The following AGTPBP1 variants were observed in gnomAD, a reference collection of about 807,000 sequenced individuals.
The protein encoded by AGTPBP1 is ATP/GTP binding carboxypeptidase 1, also known as cytosolic carboxypeptidase 1.
A neutral mutation model predicts 143.9 loss-of-function variants in AGTPBP1; 70 were observed. The observed-to-expected ratio is 0.49, with a 90% CI of 0.40 to 0.59. The LOEUF is 0.59. Ranked by LOEUF, AGTPBP1 falls within the 20% of genes least tolerant of loss-of-function variation. The pLI is 0.00. For synonymous variants in AGTPBP1, 463 were observed against 500.2 expected (o/e 0.93, Z 0.99); for missense variants, 1,229 against 1,464.5 (o/e 0.84, Z 2.62).
At chr9:85,727,271 G>A (rs1399091566) in intron 1 of AGTPBP1, among the ~76,000 whole-genome samples, 1 of 152,172 alleles carries the variant, frequency 6.6e-6, no homozygotes, top group African/African-American at 2.4e-5. Context: ...AGGCTGAAGT[G>A]AGCCGAGACT....
intron 3 of AGTPBP1, among the ~76,000 whole-genome samples, chr9:85,682,910 G>A (rs1835276995): frequency 6.6e-6 from 1 of 152,084 alleles, no homozygotes; most frequent in Non-Finnish European, 1.5e-5. Flanking sequence ...ACTACAGAAG[G>A]GACATAGTAT....
At chr9:85,620,561 AC>A (rs1830868752) in intron 15 of AGTPBP1, among the ~76,000 whole-genome samples, 2 of 152,210 alleles carry the variant, frequency 1.3e-5, no homozygotes. Context: ...AAGGCAGATG[AC>A]TAAATAATAG....
intron 18 of AGTPBP1, 92 bp from the exon 19 acceptor site, chr9:85,592,796 A>C: frequency 6.8e-7 from 1 of 1,471,150 alleles, no homozygotes; most frequent in Non-Finnish European, 9.3e-7. Flanking sequence ...CAGGGAAAAA[A>C]GAAAAACCCG....
chr9:85,561,725 T>C (rs935445548), intron 25 of AGTPBP1, among the ~76,000 whole-genome samples: 3 of 152,024 alleles, frequency 2.0e-5, no homozygotes, highest in South Asian at 2.1e-4. Context: ...AAAATACTCA[T>C]AGTATCTGAA....
intron 25 of AGTPBP1, among the ~76,000 whole-genome samples, chr9:85,559,054 A>C (rs1222355722): frequency 6.6e-6 from 1 of 152,252 alleles, no homozygotes; most frequent in Non-Finnish European, 1.5e-5. Context: ...CAAATCATTT[A>C]AATGAAGGTC....
intron 15 of AGTPBP1, 57 bp from the exon 16 acceptor site, chr9:85,619,358 C>T: frequency 8.3e-7 from 1 of 1,209,650 alleles, no homozygotes; most frequent in Non-Finnish European, 1.2e-6. Flanking sequence ...AACAGATGAG[C>T]AAAAAGTAAA....
chr9:85,706,077 A>G (rs1836977251), intron 2 of AGTPBP1, among the ~76,000 whole-genome samples: 1 of 152,168 alleles, frequency 6.6e-6, no homozygotes, highest in African/African-American at 2.4e-5. Context: ...TATAAACCCT[A>G]TAAAAATCAC....
chr9:85,770,245 A>T, the AGTPBP1 span: 23 of 1,296,570 alleles, frequency 1.8e-5, no homozygotes, highest in African/African-American at 2.9e-5. Context: ...TCAAAGTTAT[A>T]CTATTTCATT....
intron 1 of AGTPBP1, among the ~76,000 whole-genome samples, chr9:85,722,777 T>A (rs142223530): frequency 0.032 from 4,839 of 152,324 alleles, 104 homozygotes; most frequent in African/African-American, 0.053. Context: ...ACTTTTCAGC[T>A]TTTCTGCTCT....
chr9:85,698,092 T>C (rs1324189059), intron 2 of AGTPBP1, among the ~76,000 whole-genome samples: 1 of 137,994 alleles, frequency 7.2e-6, no homozygotes, highest in East Asian at 2.0e-4. Context: ...AAAGGTCATC[T>C]TTTTTTTTTG....
At chr9:85,683,098 G>A (rs1370252466) in intron 3 of AGTPBP1, among the ~76,000 whole-genome samples, 1 of 152,094 alleles carries the variant, frequency 6.6e-6, no homozygotes, top group African/African-American at 2.4e-5. Context: ...TCCCGTAAGT[G>A]ATATGAAGAC....
intron 8 of AGTPBP1, among the ~76,000 whole-genome samples, chr9:85,667,999 A>G (rs62569196): frequency 0.017 from 2,533 of 152,100 alleles, 24 homozygotes; most frequent in Middle Eastern, 0.054. Context: ...CAACTGCGGT[A>G]ACACTAAAAG....
intron 14 of AGTPBP1, among the ~76,000 whole-genome samples, chr9:85,621,620 T>A (rs1019752663): frequency 6.6e-6 from 1 of 152,078 alleles, no homozygotes; most frequent in Non-Finnish European, 1.5e-5. Context: ...AATAATTCTG[T>A]ATACATAATA....
chr9:85,623,924 A>C (rs1831110230), intron 14 of AGTPBP1, among the ~76,000 whole-genome samples: 1 of 152,200 alleles, frequency 6.6e-6, no homozygotes, highest in Admixed American at 6.5e-5. Flanking sequence ...CTCAGGGACT[A>C]TAACCTCAAA....
upstream of AGTPBP1, among the ~76,000 whole-genome samples, chr9:85,745,749 G>A (rs1374061174): frequency 1.3e-5 from 2 of 152,172 alleles, no homozygotes; most frequent in East Asian, 3.8e-4. Context: ...TGTAATCCCA[G>A]CATTTTGGGA....
intron 25 of AGTPBP1, among the ~76,000 whole-genome samples, chr9:85,565,127 T>G (rs1248649587): frequency 6.6e-6 from 1 of 152,266 alleles, no homozygotes; most frequent in African/African-American, 2.4e-5. Flanking sequence ...TATTTCATTA[T>G]GGCAGCCTGA....
rs138224787 is a variant in AGTPBP1 at position 85,739,475 on chromosome 9, G to A, written c.-34+2300C>T. ...TGTAATCCCAGGACTTTGGGAGGCC[G>A]AGGTGGGCAGACCACCTGAGGTCAG... On this transcript the variant is annotated intron_variant, in intron 1 of 25. Coordinates refer to ENST00000357081, the MANE Select transcript of AGTPBP1 (RefSeq NM_001330701.2). 1.0e-2 allele frequency among the ~76,000 whole-genome samples: 1,516 copies of A among 152,226 alleles called. 33 individuals carry two copies. The highest frequency in any genetic ancestry group is 0.034 in the African/African-American group (1,418 of 41,528).
intron 25 of AGTPBP1, among the ~76,000 whole-genome samples, chr9:85,561,789 GT>G (rs1466454262): frequency 6.7e-6 from 1 of 150,362 alleles, no homozygotes; most frequent in African/African-American, 2.5e-5. Flanking sequence ...GACTTCAAAT[GT>G]TATAAGAATC....
the AGTPBP1 span, chr9:85,773,837 G>A: frequency 5.7e-6 from 9 of 1,568,038 alleles, no homozygotes; most frequent in South Asian, 8.9e-5. Flanking sequence ...GTATTTGTTA[G>A]GTGGTGAATT....
Sources: gnomAD v4.1 joint callset for allele counts (sites outside exome capture counted in the v4.1 genomes callset) on GRCh38, gnomAD v4.1.1 for gene constraint, MANE v1.5 for transcripts, NCBI Gene and HGNC (gene_info 2026-07-23, HGNC 2026-07-21) for gene names.